The following DLGAP1 variants were observed in gnomAD, a reference collection of about 807,000 sequenced individuals.
DLGAP1 encodes the protein DLG associated protein 1.
Under a neutral mutation model 90.8 loss-of-function variants are expected in DLGAP1, and 11 were observed. The observed-to-expected ratio is 0.12, with a 90% CI of 0.08 to 0.20. The LOEUF (loss-of-function observed/expected upper bound fraction) is 0.20, where lower values mean the gene tolerates loss of function less well. Ranked by LOEUF, DLGAP1 falls within the 10% of genes least tolerant of loss-of-function variation. The pLI, the probability that DLGAP1 is intolerant of heterozygous loss-of-function variation, is 1.00. For missense variants in DLGAP1, 1,050 were observed against 1,333.8 expected (o/e 0.79, Z 3.31); for synonymous variants, 558 against 540.7 (o/e 1.03, Z -0.44).
At chr18:4,361,198 T>C (rs1162547222) in intron 1 of DLGAP1, among the ~76,000 whole-genome samples, 1 of 152,174 alleles carries the variant, frequency 6.6e-6, no homozygotes, top group East Asian at 1.9e-4. Flanking sequence ...ACATAATATA[T>C]TTTATTGATA....
At chr18:3,515,548 A>C (rs1224895602) in intron 10 of DLGAP1, among the ~76,000 whole-genome samples, 2 of 147,506 alleles carry the variant, frequency 1.4e-5, no homozygotes, top group African/African-American at 5.0e-5. Context: ...GGAGGCCAAG[A>C]TAGGAGGATT....
At chr18:4,320,690 C>T (rs1001077470) in intron 1 of DLGAP1, among the ~76,000 whole-genome samples, 3 of 150,938 alleles carry the variant, frequency 2.0e-5, no homozygotes, top group Non-Finnish European at 4.4e-5. Flanking sequence ...TTTAAAACAT[C>T]TGTGGTGGAA....
chr18:4,247,107 G>A (rs1007969387), intron 1 of DLGAP1, among the ~76,000 whole-genome samples: 1 of 152,084 alleles, frequency 6.6e-6, no homozygotes, highest in Non-Finnish European at 1.5e-5. Context: ...AGGAGGAGGA[G>A]AAGGATGAGG....
intron 1 of DLGAP1, among the ~76,000 whole-genome samples, chr18:4,420,146 C>A (rs959232579): frequency 6.6e-6 from 1 of 152,038 alleles, no homozygotes; most frequent in African/African-American, 2.4e-5. Context: ...GAAGACATAA[C>A]AATTCTAAAT....
chr18:3,886,716 A>G (rs552798956), intron 3 of DLGAP1, among the ~76,000 whole-genome samples: 1 of 152,352 alleles, frequency 6.6e-6, no homozygotes, highest in African/African-American at 2.4e-5. Flanking sequence ...CTAAAGAGAA[A>G]GAAAAGATTT....
At chr18:3,568,725 T>C (rs377565928) in intron 8 of DLGAP1, among the ~76,000 whole-genome samples, 22 of 152,082 alleles carry the variant, frequency 1.4e-4, no homozygotes, top group African/African-American at 4.3e-4. Context: ...CTCACTTTGT[T>C]ACCCAGGCTG....
At chr18:4,227,873 T>C (rs768014850) in intron 1 of DLGAP1, among the ~76,000 whole-genome samples, 1 of 150,062 alleles carries the variant, frequency 6.7e-6, no homozygotes, top group Non-Finnish European at 1.5e-5. Context: ...TTAATGAAAA[T>C]GAAATGAAGA....
intron 5 of DLGAP1, among the ~76,000 whole-genome samples, chr18:3,764,356 G>A (rs575171964): frequency 4.2e-4 from 64 of 152,312 alleles, no homozygotes; most frequent in Admixed American, 1.6e-3. Flanking sequence ...GGTAACACCA[G>A]TGATCAGTGA....
chr18:3,598,462 T>A (rs1368531456), intron 7 of DLGAP1: 1 of 140,112 alleles, frequency 7.1e-6, no homozygotes, highest in Non-Finnish European at 1.5e-5. Flanking sequence ...TCCCCCTCCA[T>A]TACTTTTTTT....
intron 7 of DLGAP1, among the ~76,000 whole-genome samples, chr18:3,586,465 A>T (rs1233957538): frequency 6.6e-6 from 1 of 152,144 alleles, no homozygotes; most frequent in Admixed American, 6.5e-5. Flanking sequence ...CTAGGAAGGT[A>T]AAAGGAATTC....
At chr18:4,116,230 G>A (rs988767844) in intron 2 of DLGAP1, among the ~76,000 whole-genome samples, 3 of 152,032 alleles carry the variant, frequency 2.0e-5, no homozygotes, top group African/African-American at 7.2e-5. Flanking sequence ...GAAGACAATT[G>A]TTAATCTTTT....
At chr18:4,269,411 T>C (rs1490826530) in intron 1 of DLGAP1, among the ~76,000 whole-genome samples, 1 of 149,776 alleles carries the variant, frequency 6.7e-6, no homozygotes, top group South Asian at 2.1e-4. Context: ...TGGAGTGCAG[T>C]GGCGCGATCT....
chr18:3,833,834 T>C (rs1044318099), intron 4 of DLGAP1, among the ~76,000 whole-genome samples: 9 of 152,192 alleles, frequency 5.9e-5, no homozygotes, highest in Non-Finnish European at 1.2e-4. Flanking sequence ...TACTTGAAGG[T>C]GTTGGTTTAC....
rs888960014 is a variant in DLGAP1, at chr18:4,420,993, C to T, written c.-267+34013G>A. ...TTGAGAATTTGGTTCAGAGATTTTT[C>T]CCTTGAAACTATTATTAGTATCTTC... On this transcript the variant is annotated intron_variant, in intron 1 of 12. Transcript: ENST00000315677. 4.6e-5 allele frequency among the ~76,000 whole-genome samples: 7 copies of T among 152,270 alleles called. No individual in the cohort carries two copies. In the East Asian group the frequency reaches 1.3e-3, roughly 29 times the overall value.
Position 3,496,922 on chromosome 18 carries a change from C to T in DLGAP1, c.*2263G>A, listed in dbSNP as rs1328031788. On this transcript the variant is annotated 3_prime_UTR_variant, in exon 13 of 13. Coordinates refer to ENST00000315677, the MANE Select transcript of DLGAP1 (RefSeq NM_004746.4). ...AGCTTATGAATATACAAATGCCGTTCACTTAGACAAGATAAATAGGCCTTC... is the reference window on the plus strand; with the variant it reads ...AGCTTATGAATATACAAATGCCGTTTACTTAGACAAGATAAATAGGCCTTC... The T allele has an allele frequency of 2.0e-5, 3 of 152,188 alleles. No homozygotes were observed. Among genetic ancestry groups the T allele is most frequent in the Non-Finnish European group, 4.4e-5 (3 of 68,026 alleles). The allele number at this position is 152,188 out of a possible 1,614,324, so 9.4% of individuals were successfully genotyped here.
intron 2 of DLGAP1, among the ~76,000 whole-genome samples, chr18:4,105,854 C>A (rs1229596458): frequency 6.6e-6 from 1 of 151,698 alleles, no homozygotes; most frequent in African/African-American, 2.4e-5. Flanking sequence ...CACGGTGAAA[C>A]CCCGTCTCTA....
At chr18:4,389,375 G>A (rs1394218397) in intron 1 of DLGAP1, among the ~76,000 whole-genome samples, 1 of 152,124 alleles carries the variant, frequency 6.6e-6, no homozygotes, top group Non-Finnish European at 1.5e-5. Context: ...GGGGAAAATG[G>A]GGAGTTCTTT....
intron 4 of DLGAP1, chr18:3,878,127 T>G (rs2071049641): frequency 6.6e-6 from 1 of 151,280 alleles, no homozygotes; most frequent in African/African-American, 2.4e-5. Flanking sequence ...GAGTGTAAAA[T>G]GGGAGTGGGT....
At chr18:4,011,068 C>T (rs750350531) in intron 2 of DLGAP1, among the ~76,000 whole-genome samples, 7 of 149,626 alleles carry the variant, frequency 4.7e-5, no homozygotes, top group Admixed American at 1.4e-4. Flanking sequence ...CCCTGCTACT[C>T]GGGAGGCTGA....
Sources: gnomAD v4.1 joint callset for allele counts (sites outside exome capture counted in the v4.1 genomes callset) on GRCh38, gnomAD v4.1.1 for gene constraint, MANE v1.5 for transcripts, NCBI Gene and HGNC (gene_info 2026-07-23, HGNC 2026-07-21) for gene names.